The following CRACR2A variants were observed in gnomAD, a reference collection of about 807,000 sequenced individuals.
CRACR2A encodes the protein calcium release activated channel regulator 2A, also known as EF-hand calcium-binding domain-containing protein 4B.
CRACR2A carries 79 observed loss-of-function variants against 90.5 expected under a neutral mutation model. That is an observed-to-expected ratio of 0.87 (90% CI 0.73 to 1.05). The LOEUF is 1.05. Ranked by LOEUF, CRACR2A falls within the 50% of genes least tolerant of loss-of-function variation. The pLI, the probability that CRACR2A is intolerant of heterozygous loss-of-function variation, is 0.00. For synonymous variants in CRACR2A, 338 were observed against 356.7 expected (o/e 0.95, Z 0.59); for missense variants, 823 against 897.2 (o/e 0.92, Z 1.06).
At chr12:3,643,863 ATATATAT>A (rs374429478) in intron 12 of CRACR2A, among the ~76,000 whole-genome samples, 2 of 90,970 alleles carry the variant, frequency 2.2e-5, no homozygotes, top group African/African-American at 8.3e-5. Flanking sequence ...TATTTATATT[ATATATAT>A]TATATATATT....
chr12:3,736,920 T>C (rs1175837815), intron 1 of CRACR2A, among the ~76,000 whole-genome samples: 1 of 152,176 alleles, frequency 6.6e-6, no homozygotes, highest in Non-Finnish European at 1.5e-5. Context: ...AGAAGCCAGA[T>C]TCATTCACAG....
At chr12:3,664,258 G>C (rs1395178134) in intron 7 of CRACR2A, among the ~76,000 whole-genome samples, 1 of 152,188 alleles carries the variant, frequency 6.6e-6, no homozygotes, top group Non-Finnish European at 1.5e-5. Context: ...CCACAAACAT[G>C]ATCAATTTTT....
At chr12:3,720,390 G>A (rs113855969) in intron 2 of CRACR2A, among the ~76,000 whole-genome samples, 22 of 107,508 alleles carry the variant, frequency 2.0e-4, no homozygotes, top group South Asian at 3.5e-4. Context: ...GAAGGGGGAG[G>A]GGGGGAGGGA....
chr12:3,663,157 G>A (rs930139438), intron 7 of CRACR2A, among the ~76,000 whole-genome samples: 1 of 152,022 alleles, frequency 6.6e-6, no homozygotes, highest in African/African-American at 2.4e-5. Context: ...GTCACCCACA[G>A]GGCCTGAACT....
At chr12:3,710,262 T>C (rs1255995895) in intron 3 of CRACR2A, among the ~76,000 whole-genome samples, 2 of 152,196 alleles carry the variant, frequency 1.3e-5, no homozygotes, top group Non-Finnish European at 2.9e-5. Flanking sequence ...AGCTCAGTCA[T>C]CTGGCATGCC....
At chr12:3,718,091 T>C (rs736023) in intron 2 of CRACR2A, among the ~76,000 whole-genome samples, 14,284 of 152,294 alleles carry the variant, frequency 0.094, 956 homozygotes, top group Non-Finnish European at 0.14. Context: ...ACATGGATGA[T>C]AACAGCACCT....
intron 7 of CRACR2A, chr12:3,672,808 C>T: frequency 1.0e-6 from 1 of 985,390 alleles, no homozygotes; most frequent in Non-Finnish European, 1.2e-6. Flanking sequence ...TTGTTTCTAA[C>T]AATGCTTGGT....
intron 1 of CRACR2A, among the ~76,000 whole-genome samples, chr12:3,739,293 T>C (rs1245458891): frequency 6.6e-6 from 1 of 152,234 alleles, no homozygotes; most frequent in Non-Finnish European, 1.5e-5. Flanking sequence ...TTACTTAATC[T>C]GTCAGAGTCT....
intron 14 of CRACR2A, among the ~76,000 whole-genome samples, chr12:3,635,562 A>G (rs1944441254): frequency 6.6e-6 from 1 of 152,128 alleles, no homozygotes; most frequent in African/African-American, 2.4e-5. Context: ...GCTGGAGTGC[A>G]GTGGTGTAAT....
At chr12:3,637,894 G>A (rs774390449) in intron 14 of CRACR2A, among the ~76,000 whole-genome samples, 1 of 152,178 alleles carries the variant, frequency 6.6e-6, no homozygotes, top group Non-Finnish European at 1.5e-5. Context: ...GATTTTGAGC[G>A]TTATTACAAA....
Position 3,627,423 on chromosome 12 carries a change from G to T in CRACR2A, c.1932+13C>A. On this transcript the variant is annotated intron_variant, in intron 17 of 19. Coordinates refer to ENST00000440314, the MANE Select transcript of CRACR2A (RefSeq NM_001144958.2). ...GTCAAGCCTAAATGCTCCTAGGAAG[G>T]TCGCCAGCTCACCTCCACGCTGCTC... 6.5e-7 allele frequency: 1 copy of T among 1,546,948 alleles called. No homozygotes were observed. Among genetic ancestry groups the T allele is most frequent in the Non-Finnish European group, 8.8e-7 (1 of 1,142,798 alleles).
At chr12:3,745,798 A>C (rs185731763) in intron 1 of CRACR2A, among the ~76,000 whole-genome samples, 397 of 5,620 alleles carry the variant, frequency 0.071, 2 homozygotes, top group Middle Eastern at 0.11. Context: ...AATAAAATAA[A>C]ATAAAATAAA....
chr12:3,648,647 C>T, intron 10 of CRACR2A, 34 bp from the exon 11 acceptor site: 1 of 1,596,780 alleles, frequency 6.3e-7, no homozygotes, highest in Non-Finnish European at 8.6e-7. Flanking sequence ...CAGTGAGCTC[C>T]CAGGTGGAAG....
chr12:3,743,883 C>T (rs1276100362), intron 1 of CRACR2A, among the ~76,000 whole-genome samples: 2 of 152,216 alleles, frequency 1.3e-5, no homozygotes, highest in African/African-American at 2.4e-5. Context: ...AGGGTAATGA[C>T]GAGCAATAGG....
chr12:3,746,127 C>A lies in CRACR2A; in HGVS notation c.-387+6888G>T, dbSNP rs1224028848. Among the ~76,000 whole-genome samples, 1 of 152,248 alleles carries A rather than the reference C, an allele frequency of 6.6e-6. No individual in the cohort carries two copies. Among genetic ancestry groups the A allele is most frequent in the Non-Finnish European group, 1.5e-5 (1 of 68,046 alleles). ...CCTCTCTAAAGCCATGAGAAATATA[C>A]TTTACTTACTTGCCTATAAACACTA... On this transcript the variant is annotated intron_variant, in intron 1 of 19. Transcript: ENST00000440314. The surrounding 1 kb of genome is among the most constrained non-coding windows in gnomAD (Gnocchi z 4.4).
chr12:3,650,422 G>A (rs1944773859), intron 10 of CRACR2A, among the ~76,000 whole-genome samples: 1 of 152,192 alleles, frequency 6.6e-6, no homozygotes, highest in Admixed American at 6.5e-5. Context: ...AACTTTCTCT[G>A]GCTCCTGCAG....
chr12:3,656,463 G>C, intron 8 of CRACR2A, 57 bp from the exon 9 acceptor site: 1 of 1,559,658 alleles, frequency 6.4e-7, no homozygotes, highest in Non-Finnish European at 8.8e-7. Context: ...CCGGGTTATA[G>C]ATTTTTTTTT....
At chr12:3,657,664 T>C (rs982419170) in intron 8 of CRACR2A, among the ~76,000 whole-genome samples, 42 of 152,330 alleles carry the variant, frequency 2.8e-4, no homozygotes, top group African/African-American at 9.9e-4. Flanking sequence ...TCCCAACATT[T>C]GCTTCCAGAG....
At chr12:3,714,316 C>A (rs755713095) in intron 2 of CRACR2A, among the ~76,000 whole-genome samples, 6 of 152,186 alleles carry the variant, frequency 3.9e-5, no homozygotes, top group Non-Finnish European at 8.8e-5. Flanking sequence ...TAAAAATACA[C>A]AGACCAAATA....
Sources: allele counts gnomAD v4.1 joint callset (sites outside exome capture counted in the v4.1 genomes callset), GRCh38; gene constraint gnomAD v4.1.1; non-coding constraint Gnocchi (gnomAD v3.1); transcripts MANE v1.5; gene names NCBI Gene and HGNC (gene_info 2026-07-23, HGNC 2026-07-21).